AKAP6: variants seen among roughly 807,000 people sequenced by gnomAD.
The protein encoded by AKAP6 is A-kinase anchoring protein 6.
In AKAP6, 58 loss-of-function variants were observed where a neutral mutation model predicts 188.5. The observed-to-expected ratio is 0.31, with a 90% confidence interval of 0.25 to 0.38. The LOEUF (loss-of-function observed/expected upper bound fraction) is 0.38, where lower values mean the gene tolerates loss of function less well. AKAP6 is among the 10% of genes least tolerant of loss of function. The pLI is 1.00. For missense variants in AKAP6, 2,710 were observed against 2,740.0 expected, an observed-to-expected ratio of 0.99 and a Z score of 0.24; for synonymous variants, 989 against 998.6, an observed-to-expected ratio of 0.99 and a Z score of 0.18.
chr14:32,562,995 C>A (rs1884021151), intron 4 of AKAP6, among the ~76,000 whole-genome samples: 1 of 152,066 alleles, frequency 6.6e-6, no homozygotes, highest in Non-Finnish European at 1.5e-5. Context: ...ATATCTGTGC[C>A]CATTTCACTT....
chr14:32,776,960 G>A (rs1274099524), intron 12 of AKAP6, among the ~76,000 whole-genome samples: 1 of 152,134 alleles, frequency 6.6e-6, no homozygotes, highest in Non-Finnish European at 1.5e-5. Flanking sequence ...TCAGCAGAAG[G>A]AACCACCTGA....
chr14:32,516,196 A>G (rs1462558555), intron 2 of AKAP6, among the ~76,000 whole-genome samples: 1 of 152,222 alleles, frequency 6.6e-6, no homozygotes, highest in Admixed American at 6.5e-5. Flanking sequence ...AAAGACTAGA[A>G]GGTTTGCTGA....
At chr14:32,671,163 G>A (rs1889176283) in intron 7 of AKAP6, among the ~76,000 whole-genome samples, 1 of 152,188 alleles carries the variant, frequency 6.6e-6, no homozygotes, top group Admixed American at 6.5e-5. Flanking sequence ...GGTCAGGGAA[G>A]ACTTGGATGC....
intron 7 of AKAP6, among the ~76,000 whole-genome samples, chr14:32,637,772 A>G (rs545365614): frequency 6.6e-6 from 1 of 152,160 alleles, no homozygotes; most frequent in Admixed American, 6.6e-5. Context: ...AGTGTGGGAC[A>G]TGGGAGTTTA....
rs1883891559 is a variant in AKAP6, at chr14:32,560,245, T to G, written c.2346+13246T>G. 2.6e-5 allele frequency among the ~76,000 whole-genome samples: 4 copies of G among 152,234 alleles called. No homozygotes were observed. The South Asian group carries it at 8.3e-4, about 32-fold the overall frequency. On this transcript the variant is annotated intron_variant, in intron 4 of 13. Coordinates refer to ENST00000280979, the MANE Select transcript of AKAP6 (RefSeq NM_004274.5). Reference sequence around the variant, plus strand: ...AATCTTTTGTGTATATTTTATTTGTTGCAATGCCAGGACAAAAACTGTATA... The same window carrying G: ...AATCTTTTGTGTATATTTTATTTGTGGCAATGCCAGGACAAAAACTGTATA...
chr14:32,494,780 A>G (rs889191734), intron 2 of AKAP6, among the ~76,000 whole-genome samples: 1 of 152,094 alleles, frequency 6.6e-6, no homozygotes. Flanking sequence ...CAAAACTGTC[A>G]TAGTTCTATG....
At chr14:32,412,322 G>A (rs933745733) in intron 1 of AKAP6, among the ~76,000 whole-genome samples, 1 of 152,172 alleles carries the variant, frequency 6.6e-6, no homozygotes, top group Non-Finnish European at 1.5e-5. Flanking sequence ...CTATGCAGAA[G>A]AGTCTGAGTG....
chr14:32,599,188 C>G (rs1885822103), intron 5 of AKAP6, among the ~76,000 whole-genome samples: 1 of 152,116 alleles, frequency 6.6e-6, no homozygotes, highest in East Asian at 1.9e-4. Context: ...TAATGAATTT[C>G]TAGATTTGTC....
chr14:32,592,428 A>G (rs1349520011), intron 5 of AKAP6, among the ~76,000 whole-genome samples: 2 of 152,170 alleles, frequency 1.3e-5, no homozygotes, highest in Admixed American at 6.5e-5. Context: ...CACACCTGAG[A>G]TTAATCTTAA....
intron 1 of AKAP6, among the ~76,000 whole-genome samples, chr14:32,332,129 C>G (rs1382789625): frequency 5.3e-5 from 8 of 151,926 alleles, no homozygotes; most frequent in Non-Finnish European, 8.8e-5. Context: ...TTTGCAAAAA[C>G]CAGTCCTTAG....
intron 2 of AKAP6, among the ~76,000 whole-genome samples, chr14:32,437,707 C>G (rs1287001026): frequency 6.6e-6 from 1 of 152,028 alleles, no homozygotes; most frequent in African/African-American, 2.4e-5. Flanking sequence ...AGAGATGCTC[C>G]TGCCTCAGCC....
intron 2 of AKAP6, among the ~76,000 whole-genome samples, chr14:32,446,950 G>A (rs1890775126): frequency 6.6e-6 from 1 of 151,872 alleles, no homozygotes; most frequent in Admixed American, 6.6e-5. Context: ...TTATAGATTT[G>A]TTACCCAAAG....
At chr14:32,719,275 G>T (rs149756680) in intron 9 of AKAP6, among the ~76,000 whole-genome samples, 3 of 152,140 alleles carry the variant, frequency 2.0e-5, no homozygotes, top group South Asian at 4.1e-4. Flanking sequence ...ACCTACCATC[G>T]CATGGTAAAT....
chr14:32,675,850 G>C (rs989409097), intron 7 of AKAP6, among the ~76,000 whole-genome samples: 1 of 152,174 alleles, frequency 6.6e-6, no homozygotes, highest in Non-Finnish European at 1.5e-5. Flanking sequence ...ACATATCCCT[G>C]TCATATGTGA....
intron 4 of AKAP6, among the ~76,000 whole-genome samples, chr14:32,552,450 T>C (rs924105959): frequency 6.6e-6 from 1 of 152,068 alleles, no homozygotes; most frequent in African/African-American, 2.4e-5. Context: ...ATTAAATACA[T>C]GGAGAGAGAG....
At position 32,680,271 on chromosome 14, in the gene AKAP6, A is replaced by G. The variant is rs1471905888; in HGVS notation, c.2879+1812A>G. 4.6e-5 allele frequency among the ~76,000 whole-genome samples: 7 copies of G among 152,344 alleles called. No individual in the cohort carries two copies. In the East Asian group the frequency reaches 1.3e-3, roughly 29 times the overall value. ...AGCCAGCTATTTAATACTAAGGACAAAAACCATATACTCCTTTCTATTTTC... is the reference window on the plus strand; with the variant it reads ...AGCCAGCTATTTAATACTAAGGACAGAAACCATATACTCCTTTCTATTTTC... On this transcript the variant is annotated intron_variant, in intron 8 of 13. Coordinates refer to ENST00000280979, the MANE Select transcript of AKAP6 (RefSeq NM_004274.5).
At chr14:32,465,125 G>A (rs1473781184) in intron 2 of AKAP6, among the ~76,000 whole-genome samples, 5 of 152,076 alleles carry the variant, frequency 3.3e-5, no homozygotes, top group Non-Finnish European at 5.9e-5. Flanking sequence ...CCATGCTCAC[G>A]GATAGGAAGA....
At chr14:32,408,926 C>T (rs1284115185) in intron 1 of AKAP6, among the ~76,000 whole-genome samples, 2 of 152,098 alleles carry the variant, frequency 1.3e-5, no homozygotes, top group African/African-American at 4.8e-5. Flanking sequence ...TGTGGTGGCT[C>T]ACCCCTATAT....
chr14:32,353,935 A>G (rs1289136477), intron 1 of AKAP6, among the ~76,000 whole-genome samples: 2 of 152,140 alleles, frequency 1.3e-5, no homozygotes, highest in African/African-American at 2.4e-5. Flanking sequence ...AGAACTACAA[A>G]CCACTGCTCA....
Sources: allele counts gnomAD v4.1 joint callset (sites outside exome capture counted in the v4.1 genomes callset), GRCh38; gene constraint gnomAD v4.1.1; transcripts MANE v1.5; gene names NCBI Gene and HGNC (gene_info 2026-07-23, HGNC 2026-07-21).